Variants in TRMT5 observed in about 807,000 individuals in gnomAD.
TRMT5 encodes tRNA methyltransferase 5.
In TRMT5, 31 loss-of-function variants were observed where a neutral mutation model predicts 42.2. The ratio of observed to expected loss-of-function variants is 0.73; its 90% CI spans 0.55 to 0.99. TRMT5 has a LOEUF of 0.99. TRMT5 is among the 50% of genes least tolerant of loss of function. The pLI is 0.00. For missense variants in TRMT5, 568 were observed against 595.0 expected (o/e 0.95, Z 0.47); for synonymous variants, 198 against 209.6 (o/e 0.94, Z 0.48).
rs1335719584 is a variant in TRMT5 at position 60,974,259 on chromosome 14, TG to T, written c.*849del. 1 of 152,218 alleles carries T rather than the reference TG, an allele frequency of 6.6e-6. No homozygotes were observed. Among genetic ancestry groups the T allele is most frequent in the African/African-American group, 2.4e-5 (1 of 41,458 alleles). The allele number at this position is 152,218 out of a possible 1,614,324, so 9.4% of individuals were successfully genotyped here. ...TGATGTGTCAAACAGCAGTGTGAAG[TG>T]ATGACAGTCACATTCAGTGTGTGTT... On this transcript the variant is annotated 3_prime_UTR_variant, in exon 5 of 5. Coordinates refer to ENST00000261249, the MANE Select transcript of TRMT5 (RefSeq NM_020810.3).
chr14:60,979,714 C>G lies in TRMT5; in HGVS notation c.184G>C (p.Glu62Gln). The G allele has an allele frequency of 6.2e-7, 1 of 1,614,094 alleles. No homozygotes were observed. The highest frequency in any genetic ancestry group is 2.2e-5 in the East Asian group (1 of 44,884). ...GQRKRFSTMP[E>Q]TETHERETEL... ...GTCTCTCTCTCATGTGTTTCTGTTTCTGGCATGGTTGAGAATCTTTTTCTT... is the reference window on the plus strand; with the variant it reads ...GTCTCTCTCTCATGTGTTTCTGTTTGTGGCATGGTTGAGAATCTTTTTCTT... Residue 62 changes from glutamate (E) to glutamine (Q), a missense_variant, in exon 2 of 5, where the codon GAA (glutamate) becomes CAA (glutamine). Glu to Gln is a conservative substitution (Grantham distance 29). Transcript: ENST00000261249.
chr14:60,980,675 A>G (rs1212046629), intron 1 of TRMT5, among the ~76,000 whole-genome samples: 4 of 152,238 alleles, frequency 2.6e-5, no homozygotes, highest in African/African-American at 9.6e-5. Flanking sequence ...AATCCTGTAA[A>G]GCAACGAAGT....
In TRMT5 at chr14:60,972,498, C is replaced by T. The variant is rs1407975033; in HGVS notation, c.*2611G>A. ...GGCGGCGGCGGCGGGATGTGGGCACCGGGTGTGGGACGCAGCAGCGCGCGG... is the reference window on the plus strand; with the variant it reads ...GGCGGCGGCGGCGGGATGTGGGCACTGGGTGTGGGACGCAGCAGCGCGCGG... On this transcript the variant is annotated 3_prime_UTR_variant, in exon 5 of 5. Coordinates refer to ENST00000261249, the MANE Select transcript of TRMT5 (RefSeq NM_020810.3). 5 of 470,734 alleles carry T rather than the reference C, an allele frequency of 1.1e-5. No homozygotes were observed. Among genetic ancestry groups the T allele is most frequent in the Middle Eastern group, 3.8e-4 (1 of 2,660 alleles). 29.2% of individuals were successfully genotyped at this position (470,734 alleles called of 1,614,324 possible).
Position 60,972,108 on chromosome 14 carries a change from C to T in TRMT5, c.*3001G>A, listed in dbSNP as rs1479360376. 5.6e-6 allele frequency: 2 copies of T among 356,088 alleles called. No individual in the cohort carries two copies. The highest frequency in any genetic ancestry group is 2.1e-5 in the African/African-American group (1 of 46,530). The allele number at this position is 356,088 out of a possible 1,614,324, so 22.1% of individuals were successfully genotyped here. A position where few individuals can be genotyped will look rare whatever the true frequency, so the allele number is the denominator to read the frequency against. ...TGACACATACCCCTTCCCCCAAAAA[C>T]AACAATGAAGTGTTCTGTGTGCTAA... On this transcript the variant is annotated 3_prime_UTR_variant, in exon 5 of 5. Transcript: ENST00000261249.
At chr14:60,975,368 GCTTT>G (rs1389535231) in intron 4 of TRMT5, 103 bp downstream of exon 4, 14 of 1,418,448 alleles carry the variant, frequency 9.9e-6, no homozygotes, top group South Asian at 1.4e-5. Context: ...TAACACAGTA[GCTTT>G]CTATTAGACT....
At chr14:60,981,284 G>A (rs1173785803), upstream of TRMT5, 1 of 1,604,410 alleles carries the variant, frequency 6.2e-7, no homozygotes, top group Non-Finnish European at 8.5e-7. Context: ...CAGCATGGAG[G>A]CGTCCTGGGG....
chr14:60,981,098 C>T, upstream of TRMT5: 1 of 1,591,970 alleles, frequency 6.3e-7, no homozygotes, highest in Non-Finnish European at 8.5e-7. Context: ...CACTGTTCGC[C>T]GCGAAGAGGG....
rs770450952 is a variant in TRMT5 at position 60,981,035 on chromosome 14, G to T, written c.-62C>A. On this transcript the variant is annotated 5_prime_UTR_variant, in exon 1 of 5. Transcript: ENST00000261249. ...AGCCGACCCCTCACCTCCCGCTCCG[G>T]TACCGATCGGATGTGGGTCGCGGGT... is the stretch of plus-strand genomic sequence containing the variant. The T allele has an allele frequency of 2.8e-5, 45 of 1,610,110 alleles. No individual in the cohort carries two copies. The highest frequency in any genetic ancestry group is 3.7e-5 in the Non-Finnish European group (44 of 1,180,002).
rs1246609578 is a variant in TRMT5 at position 60,975,172 on chromosome 14, A to G, written c.1467T>C (p.Leu489=). 1 of 1,608,528 alleles carries G rather than the reference A, an allele frequency of 6.2e-7. No homozygotes were observed. The highest frequency in any genetic ancestry group is 1.1e-5 in the South Asian group (1 of 90,056). ...RNPENHEDPP[L]KRQRTAEAFS... ...AGGCTTCAGCCGTCCTCTGCCTTTT[A>G]AGAGGTGGATCTTCATGATTCTCTG... Residue 489 remains leucine (L), a synonymous_variant, in exon 5 of 5, where the codon CTT becomes CTC. Transcript: ENST00000261249.
Position 60,972,466 on chromosome 14 carries a change from T to TGGCGGC in TRMT5, c.*2637_*2642dup, listed in dbSNP as rs201910810. The TGGCGGC allele has an allele frequency of 6.7e-4, 328 of 490,402 alleles. No individual in the cohort carries two copies. The highest frequency in any genetic ancestry group is 3.2e-3 in the East Asian group (58 of 17,964). 30.4% of individuals were successfully genotyped at this position (490,402 alleles called of 1,614,324 possible). A position where few individuals can be genotyped will look rare whatever the true frequency, so the allele number is the denominator to read the frequency against. On this transcript the variant is annotated 3_prime_UTR_variant, in exon 5 of 5. Transcript: ENST00000261249. ...TCCCCTTCAGTCTTTCTCTTGGGCA[T>TGGCGGC]GGCGGCGGCGGCGGCGGCGGGATGT...
intron 3 of TRMT5, among the ~76,000 whole-genome samples, chr14:60,976,898 C>T (rs2036855368): frequency 6.6e-6 from 1 of 152,130 alleles, no homozygotes; most frequent in South Asian, 2.1e-4. Flanking sequence ...GAAGTATGAC[C>T]TCAGCCATCA....
In TRMT5 at chr14:60,973,030, T is replaced by A. The variant is rs2036797342; in HGVS notation, c.*2079A>T. On this transcript the variant is annotated 3_prime_UTR_variant, in exon 5 of 5. Coordinates refer to ENST00000261249, the MANE Select transcript of TRMT5 (RefSeq NM_020810.3). ...AATTTCCTTTGCACTTGCACCTAGG[T>A]CCCTAAAAATGCTGAACTCAGAAAA... is the stretch of plus-strand genomic sequence containing the variant. The A allele has an allele frequency of 6.6e-6, 1 of 152,242 alleles. No individual in the cohort carries two copies. The highest frequency in any genetic ancestry group is 2.4e-5 in the African/African-American group (1 of 41,456). 9.4% of individuals were successfully genotyped at this position (152,242 alleles called of 1,614,324 possible). A position where few individuals can be genotyped will look rare whatever the true frequency, so the allele number is the denominator to read the frequency against.
chr14:60,981,573 G>A (rs1012685904), upstream of TRMT5: 77 of 1,523,822 alleles, frequency 5.1e-5, no homozygotes, highest in Non-Finnish European at 6.6e-5. Context: ...CGTGATAGCA[G>A]CCTAGCATAC....
rs892997158 is a variant in TRMT5, at chr14:60,973,464, C to T, written c.*1645G>A. 6 of 152,208 alleles carry T rather than the reference C, an allele frequency of 3.9e-5. No homozygotes were observed. The East Asian group carries it at 5.8e-4, about 15-fold the overall frequency. 9.4% of individuals were successfully genotyped at this position (152,208 alleles called of 1,614,324 possible). On this transcript the variant is annotated 3_prime_UTR_variant, in exon 5 of 5. Transcript: ENST00000261249. ...ACAACAAGATCTCATAACTCATTAT[C>T]TTAAGGACACCACCAAGGGGATAGT...
At chr14:60,978,341 A>G (rs564860423) in intron 2 of TRMT5, among the ~76,000 whole-genome samples, 1 of 152,306 alleles carries the variant, frequency 6.6e-6, no homozygotes, top group South Asian at 2.1e-4. Context: ...CAATTATACA[A>G]TATCCTGAAA....
At chr14:60,976,341 C>T (rs531884968) in intron 3 of TRMT5, among the ~76,000 whole-genome samples, 35 of 152,312 alleles carry the variant, frequency 2.3e-4, no homozygotes, top group African/African-American at 7.9e-4. Context: ...TAGACTTATT[C>T]GTGAGAAAAA....
Position 60,981,014 on chromosome 14 carries a change from G to T in TRMT5, c.-41C>A. 4.3e-6 allele frequency: 7 copies of T among 1,611,270 alleles called. No individual in the cohort carries two copies. The highest frequency in any genetic ancestry group is 5.1e-6 in the Non-Finnish European group (6 of 1,180,020). On this transcript the variant is annotated 5_prime_UTR_variant, in exon 1 of 5. Coordinates refer to ENST00000261249, the MANE Select transcript of TRMT5 (RefSeq NM_020810.3). ...CGCTCTGCAGCTGGATCCGCGAGCC[G>T]ACCCCTCACCTCCCGCTCCGGTACC... is the stretch of plus-strand genomic sequence containing the variant.
upstream of TRMT5, chr14:60,981,249 A>T: frequency 6.3e-7 from 1 of 1,575,244 alleles, no homozygotes; most frequent in Non-Finnish European, 8.6e-7. Flanking sequence ...AGGCTCGTAG[A>T]TGGAACTGGT....
chr14:60,979,271 T>G lies in TRMT5; in HGVS notation c.627A>C (p.Leu209=), dbSNP rs183213314. The G allele has an allele frequency of 3.1e-4, 495 of 1,613,656 alleles. No individual in the cohort carries two copies. The highest frequency in any genetic ancestry group is 3.9e-4 in the Non-Finnish European group (464 of 1,179,830). The change falls in exon 2 of 5, where the codon CTA becomes CTC. Residue 209 remains leucine (L), a synonymous_variant. Transcript: ENST00000261249. ...AAGGCAGCTGATGATCTCGAAGGTT[T>G]AGGTGTGCAATATGTCCAATCCTGC... ...GFSRIGHIAH[L]NLRDHQLPFK...
Sources: gnomAD v4.1 joint callset for allele counts (sites outside exome capture counted in the v4.1 genomes callset) on GRCh38, gnomAD v4.1.1 for gene constraint, MANE v1.5 for transcripts, NCBI Gene and HGNC (gene_info 2026-07-23, HGNC 2026-07-21) for gene names.